CSMD1: variants seen among roughly 807,000 people sequenced by gnomAD.
CSMD1 encodes CUB and Sushi multiple domains 1.
CSMD1 carries 213 observed loss-of-function variants against 417.5 expected under a neutral mutation model. That is an observed-to-expected ratio of 0.51 (90% CI 0.46 to 0.57). The LOEUF (loss-of-function observed/expected upper bound fraction) is 0.57, where lower values mean the gene tolerates loss of function less well. Ranked by LOEUF, CSMD1 falls within the 20% of genes least tolerant of loss-of-function variation. CSMD1 has a pLI of 0.00. For missense variants in CSMD1, 6,923 were observed against 4,529.7 expected (o/e 1.53, Z -15.17); for synonymous variants, 2,862 against 1,736.8 (o/e 1.65, Z -16.11).
intron 3 of CSMD1, among the ~76,000 whole-genome samples, chr8:4,210,729 C>T (rs935314326): frequency 6.6e-6 from 1 of 152,086 alleles, no homozygotes; most frequent in Non-Finnish European, 1.5e-5. Context: ...CACTAAAAAT[C>T]ACAAAATCTT....
At chr8:4,487,736 G>T (rs1410589881) in intron 2 of CSMD1, among the ~76,000 whole-genome samples, 2 of 152,156 alleles carry the variant, frequency 1.3e-5, no homozygotes, top group African/African-American at 4.8e-5. Flanking sequence ...TAAAAATAAA[G>T]TGTACTCAGT....
At chr8:4,403,236 T>G (rs1041403149) in intron 3 of CSMD1, among the ~76,000 whole-genome samples, 3 of 152,200 alleles carry the variant, frequency 2.0e-5, no homozygotes, top group Non-Finnish European at 4.4e-5. Flanking sequence ...AATATAAAGA[T>G]CATTTCTCCT....
At chr8:4,071,212 T>A (rs1253959003) in intron 3 of CSMD1, among the ~76,000 whole-genome samples, 1 of 152,068 alleles carries the variant, frequency 6.6e-6, no homozygotes, top group Non-Finnish European at 1.5e-5. Flanking sequence ...CCTTCCGGAG[T>A]TTCAGCTAAA....
At chr8:4,739,960 G>T (rs762330170) in intron 1 of CSMD1, among the ~76,000 whole-genome samples, 3 of 152,130 alleles carry the variant, frequency 2.0e-5, no homozygotes, top group Non-Finnish European at 4.4e-5. Context: ...GTCTGAGCTA[G>T]GGAAATAGCT....
At chr8:4,285,352 C>G (rs1418211160) in intron 3 of CSMD1, among the ~76,000 whole-genome samples, 1 of 152,228 alleles carries the variant, frequency 6.6e-6, no homozygotes, top group Non-Finnish European at 1.5e-5. Context: ...GAACTCCCAT[C>G]TGAAACTGCA....
intron 6 of CSMD1, among the ~76,000 whole-genome samples, chr8:3,745,016 TC>T (rs1302656643): frequency 6.6e-6 from 1 of 152,166 alleles, no homozygotes; most frequent in Non-Finnish European, 1.5e-5. Context: ...CTTAGGATTC[TC>T]CGGGCAGTGA....
Position 4,307,889 on chromosome 8 carries a change from G to A in CSMD1, c.415+112064C>T, listed in dbSNP as rs552805305. Among the ~76,000 whole-genome samples, 7 of 152,284 alleles carry A rather than the reference G, an allele frequency of 4.6e-5. No individual in the cohort carries two copies. The South Asian group carries it at 1.0e-3, about 23-fold the overall frequency. Reference sequence around the variant, plus strand: ...TGAGCAAGAAGTGTTCAGTAGAGAGGAGGCAGCAGAGGCACGTTTTTAGCA... The same window carrying A: ...TGAGCAAGAAGTGTTCAGTAGAGAGAAGGCAGCAGAGGCACGTTTTTAGCA... On this transcript the variant is annotated intron_variant, in intron 3 of 69. Coordinates refer to ENST00000635120, the MANE Select transcript of CSMD1 (RefSeq NM_033225.6).
At chr8:4,091,101 T>G (rs1800696539) in intron 3 of CSMD1, among the ~76,000 whole-genome samples, 1 of 151,864 alleles carries the variant, frequency 6.6e-6, no homozygotes, top group Non-Finnish European at 1.5e-5. Flanking sequence ...GTAATTTTAG[T>G]AGAGATGGGG....
chr8:3,204,914 T>C (rs1380471405), intron 31 of CSMD1, among the ~76,000 whole-genome samples: 1 of 152,184 alleles, frequency 6.6e-6, no homozygotes, highest in Non-Finnish European at 1.5e-5. Flanking sequence ...ATAAATGAAG[T>C]GCAGAGCGAC....
chr8:3,945,885 A>G (rs1464158128), intron 5 of CSMD1, among the ~76,000 whole-genome samples: 1 of 152,244 alleles, frequency 6.6e-6, no homozygotes, highest in South Asian at 2.1e-4. Flanking sequence ...TGTAGACATA[A>G]GAACGTACTG....
chr8:3,780,764 T>C (rs946240313), intron 5 of CSMD1, among the ~76,000 whole-genome samples: 2 of 152,148 alleles, frequency 1.3e-5, no homozygotes, highest in Non-Finnish European at 2.9e-5. Context: ...GGTGACATTC[T>C]TATACACAGA....
chr8:4,193,041 A>T (rs1001091925), intron 3 of CSMD1, among the ~76,000 whole-genome samples: 3 of 152,352 alleles, frequency 2.0e-5, no homozygotes, highest in Admixed American at 2.0e-4. Context: ...ATCTTAAGTT[A>T]ATGTCATTAT....
chr8:4,754,535 G>T (rs1249800979), intron 1 of CSMD1, among the ~76,000 whole-genome samples: 1 of 145,636 alleles, frequency 6.9e-6, no homozygotes, highest in African/African-American at 2.7e-5. Flanking sequence ...TCTATGTACT[G>T]CACACTTTGT....
At chr8:3,775,800 G>A (rs938675997) in intron 5 of CSMD1, among the ~76,000 whole-genome samples, 2 of 152,216 alleles carry the variant, frequency 1.3e-5, no homozygotes, top group African/African-American at 4.8e-5. Context: ...GCTGGGTGCT[G>A]ATGTCATCAT....
intron 7 of CSMD1, among the ~76,000 whole-genome samples, chr8:3,631,690 G>A (rs1376754049): frequency 1.3e-5 from 2 of 152,242 alleles, no homozygotes; most frequent in Non-Finnish European, 2.9e-5. Flanking sequence ...GAAGTCGTCA[G>A]ACGGAGGGAA....
rs1403177088 is a variant in CSMD1, at chr8:3,838,613, TAATA to T, written c.819-84575_819-84572del. Among the ~76,000 whole-genome samples the T allele has an allele frequency of 1.7e-3, 239 of 136,776 alleles. 2 individuals are homozygous for T. Among genetic ancestry groups the T allele is most frequent in the African/African-American group, 5.7e-3 (206 of 36,262 alleles). 89.7% of individuals were successfully genotyped at this position (136,776 alleles called of 152,430 possible). On this transcript the variant is annotated intron_variant, in intron 5 of 69. Coordinates refer to ENST00000635120, the MANE Select transcript of CSMD1 (RefSeq NM_033225.6). The stretch of plus-strand genomic sequence containing the variant: ...CCCTCTCTATATAAATATTTATATA[TAATA>T]AATAAATTAATATATAATAAATTAA...
intron 12 of CSMD1, among the ~76,000 whole-genome samples, chr8:3,466,883 T>C (rs1190367890): frequency 1.3e-5 from 2 of 152,218 alleles, no homozygotes; most frequent in Non-Finnish European, 2.9e-5. Context: ...TTTTAGAATG[T>C]CTTCTACTGT....
intron 3 of CSMD1, among the ~76,000 whole-genome samples, chr8:4,101,230 T>G (rs984778499): frequency 1.2e-4 from 18 of 152,304 alleles, no homozygotes; most frequent in African/African-American, 4.3e-4. Context: ...TCCTTTTGTT[T>G]TTTGCTGTTT....
At position 3,366,952 on chromosome 8, in the gene CSMD1, A is replaced by C. The variant is rs564043090; in HGVS notation, c.3115+80T>G. On this transcript the variant is annotated intron_variant, in intron 20 of 69. Coordinates refer to ENST00000635120, the MANE Select transcript of CSMD1 (RefSeq NM_033225.6). ...ACGGATGCACACATTACACACACAC[A>C]CACACCCACACACATTCTCACTAAC... 2.7e-4 allele frequency: 289 copies of C among 1,072,888 alleles called. 1 individual carries two copies. The highest frequency in any genetic ancestry group is 6.8e-4 in the Admixed American group (34 of 50,132). 66.5% of individuals were successfully genotyped at this position (1,072,888 alleles called of 1,614,324 possible). A position where few individuals can be genotyped will look rare whatever the true frequency, so the allele number is the denominator to read the frequency against.
Sources: gnomAD v4.1 joint callset for allele counts (sites outside exome capture counted in the v4.1 genomes callset) on GRCh38, gnomAD v4.1.1 for gene constraint, MANE v1.5 for transcripts, NCBI Gene and HGNC (gene_info 2026-07-23, HGNC 2026-07-21) for gene names.